The following CACNA2D3 variants were observed in gnomAD, a reference collection of about 807,000 sequenced individuals.
CACNA2D3 encodes the protein voltage-dependent calcium channel subunit alpha-2/delta-3.
In CACNA2D3, 60 loss-of-function variants were observed where a neutral mutation model predicts 160.6. That is an observed-to-expected ratio of 0.37 (90% CI 0.30 to 0.46). The LOEUF (loss-of-function observed/expected upper bound fraction) is 0.46, where lower values mean the gene tolerates loss of function less well. Ranked by LOEUF, CACNA2D3 falls within the 20% of genes least tolerant of loss-of-function variation. The probability of loss-of-function intolerance (pLI) is 1.00; values close to 1 mark genes in which losing one functional copy is unlikely to be tolerated. For missense variants in CACNA2D3, 1,205 were observed against 1,365.0 expected (o/e 0.88, Z 1.85); for synonymous variants, 558 against 492.9 (o/e 1.13, Z -1.75).
intron 9 of CACNA2D3, among the ~76,000 whole-genome samples, chr3:54,615,756 C>T (rs542456797): frequency 6.6e-6 from 1 of 152,312 alleles, no homozygotes; most frequent in East Asian, 1.9e-4. Context: ...GGGTCCCCAA[C>T]CCACAGGCCA....
intron 27 of CACNA2D3, among the ~76,000 whole-genome samples, chr3:54,921,264 CCTTG>C (rs1420173934): frequency 6.6e-6 from 1 of 152,124 alleles, no homozygotes; most frequent in Non-Finnish European, 1.5e-5. Context: ...TGAAAAACTC[CCTTG>C]ACCACGTTGT....
chr3:54,660,495 C>A (rs1166472949), intron 11 of CACNA2D3, among the ~76,000 whole-genome samples: 1 of 152,148 alleles, frequency 6.6e-6, no homozygotes, highest in Non-Finnish European at 1.5e-5. Flanking sequence ...GAGAAATCAC[C>A]TTTACACCTC....
intron 2 of CACNA2D3, among the ~76,000 whole-genome samples, chr3:54,196,042 A>G (rs774095656): frequency 6.6e-6 from 1 of 152,200 alleles, no homozygotes; most frequent in Non-Finnish European, 1.5e-5. Context: ...GGTGGCCATC[A>G]AGATATGCTT....
At chr3:54,663,397 C>T (rs1700005940) in intron 11 of CACNA2D3, among the ~76,000 whole-genome samples, 1 of 152,208 alleles carries the variant, frequency 6.6e-6, no homozygotes, top group Non-Finnish European at 1.5e-5. Flanking sequence ...CCCCTCATGC[C>T]TTCATGGCCC....
chr3:54,203,893 A>G (rs1184434698), intron 2 of CACNA2D3, among the ~76,000 whole-genome samples: 1 of 151,780 alleles, frequency 6.6e-6, no homozygotes, highest in Non-Finnish European at 1.5e-5. Context: ...ATGGCGGGCT[A>G]GGGTCGTCTT....
At chr3:54,147,860 G>A (rs1381874224) in intron 2 of CACNA2D3, among the ~76,000 whole-genome samples, 3 of 152,208 alleles carry the variant, frequency 2.0e-5, no homozygotes, top group Non-Finnish European at 4.4e-5. Flanking sequence ...CAGCTGGAGT[G>A]CACTGGCACC....
chr3:54,835,892 G>T (rs1225502649), intron 14 of CACNA2D3, among the ~76,000 whole-genome samples: 1 of 152,170 alleles, frequency 6.6e-6, no homozygotes, highest in African/African-American at 2.4e-5. Flanking sequence ...CATATGCCAG[G>T]TACCATGCTG....
intron 35 of CACNA2D3, among the ~76,000 whole-genome samples, chr3:55,046,088 CTT>C (rs201416523): frequency 1.1e-3 from 164 of 148,068 alleles, no homozygotes; most frequent in African/African-American, 3.8e-3. Flanking sequence ...TTATGTTACA[CTT>C]TTTTTTTTAA....
chr3:54,474,597 C>T (rs989966522), intron 4 of CACNA2D3, among the ~76,000 whole-genome samples: 1 of 151,280 alleles, frequency 6.6e-6, no homozygotes, highest in East Asian at 1.9e-4. Context: ...AAGTACTTAG[C>T]AAATTTTGGC....
chr3:54,287,087 T>C (rs1312835206), intron 2 of CACNA2D3, among the ~76,000 whole-genome samples: 1 of 151,900 alleles, frequency 6.6e-6, no homozygotes, highest in Non-Finnish European at 1.5e-5. Flanking sequence ...ATATTAACTT[T>C]AAATGTAAAT....
intron 35 of CACNA2D3, among the ~76,000 whole-genome samples, chr3:55,041,922 G>C (rs1703967896): frequency 1.3e-5 from 2 of 152,022 alleles, no homozygotes; most frequent in Admixed American, 1.3e-4. Context: ...TTATTTAGAA[G>C]TGTGCCGCTT....
intron 4 of CACNA2D3, among the ~76,000 whole-genome samples, chr3:54,465,587 G>C (rs1700608211): frequency 6.6e-6 from 1 of 152,026 alleles, no homozygotes; most frequent in Non-Finnish European, 1.5e-5. Context: ...TGTTCTGGGA[G>C]GTAAACTGCT....
intron 3 of CACNA2D3, among the ~76,000 whole-genome samples, chr3:54,330,982 A>G (rs1418299784): frequency 6.6e-6 from 1 of 152,078 alleles, no homozygotes; most frequent in Non-Finnish European, 1.5e-5. Flanking sequence ...TTCAGTACAC[A>G]TGTGTTTATA....
In CACNA2D3 at chr3:54,703,622, A is replaced by G. The variant is rs553802287; in HGVS notation, c.1168-48977A>G. 2.6e-5 allele frequency among the ~76,000 whole-genome samples: 4 copies of G among 152,310 alleles called. No homozygotes were observed. In the East Asian group the frequency reaches 7.7e-4, roughly 29 times the overall value. On this transcript the variant is annotated intron_variant, in intron 11 of 37. Transcript: ENST00000474759. ...GATTGGAATGACCTAAAATCCCCCT[A>G]CAATTATCCCATCTTTGTAAGGTCT...
chr3:54,546,461 T>A (rs757600157), intron 5 of CACNA2D3, among the ~76,000 whole-genome samples: 4 of 152,196 alleles, frequency 2.6e-5, no homozygotes, highest in African/African-American at 4.8e-5. Context: ...GATTAATTAA[T>A]GTTCTTCCTT....
chr3:54,824,631 TTGGACCCAGGATA>T (rs976818188), intron 14 of CACNA2D3, among the ~76,000 whole-genome samples: 7 of 152,280 alleles, frequency 4.6e-5, no homozygotes, highest in African/African-American at 1.4e-4. Flanking sequence ...ACTGGTAACC[TTGGACCCAGGATA>T]TGGACCCAGG....
At chr3:54,373,773 T>C (rs1270937190) in intron 3 of CACNA2D3, among the ~76,000 whole-genome samples, 8 of 152,186 alleles carry the variant, frequency 5.3e-5, no homozygotes, top group Non-Finnish European at 1.2e-4. Flanking sequence ...CTGGGTCTTC[T>C]GGGAGCTTCC....
intron 9 of CACNA2D3, among the ~76,000 whole-genome samples, chr3:54,584,664 C>T (rs1013777793): frequency 1.3e-5 from 2 of 152,102 alleles, no homozygotes; most frequent in African/African-American, 4.8e-5. Flanking sequence ...AAGGTGTAAG[C>T]ATACATATTC....
At chr3:55,004,580 A>G (rs1465025381) in intron 31 of CACNA2D3, among the ~76,000 whole-genome samples, 183 bp from the exon 32 acceptor site, 1 of 152,244 alleles carries the variant, frequency 6.6e-6, no homozygotes, top group Non-Finnish European at 1.5e-5. Flanking sequence ...TCCAAGTGGT[A>G]ACATGACTGT....
Sources: gnomAD v4.1 joint callset for allele counts (sites outside exome capture counted in the v4.1 genomes callset) on GRCh38, gnomAD v4.1.1 for gene constraint, MANE v1.5 for transcripts, NCBI Gene and HGNC (gene_info 2026-07-23, HGNC 2026-07-21) for gene names.